The following EPB41L3 variants were observed in gnomAD, a reference collection of about 807,000 sequenced individuals.
EPB41L3 encodes band 4.1-like protein 3.
Under a neutral mutation model 127.1 loss-of-function variants are expected in EPB41L3, and 57 were observed. The observed-to-expected ratio is 0.45, with a 90% CI of 0.36 to 0.56. The LOEUF (loss-of-function observed/expected upper bound fraction) is 0.56. Ranked by LOEUF, EPB41L3 falls within the 20% of genes least tolerant of loss-of-function variation. The pLI, the probability that EPB41L3 is intolerant of heterozygous loss-of-function variation, is 0.00. For synonymous variants in EPB41L3, 572 were observed against 549.5 expected (o/e 1.04, Z -0.57); for missense variants, 1,273 against 1,372.2 (o/e 0.93, Z 1.14).
intron 22 of EPB41L3, chr18:5,394,192 T>C (rs4453598): frequency 0.056 from 8,557 of 153,226 alleles, 322 homozygotes; most frequent in African/African-American, 0.11. Context: ...CATAAACAGG[T>C]TACAATCAAA....
intron 1 of EPB41L3, among the ~76,000 whole-genome samples, chr18:5,513,278 T>A (rs1434684865): frequency 6.6e-6 from 1 of 152,200 alleles, no homozygotes; most frequent in Non-Finnish European, 1.5e-5. Flanking sequence ...TACAGCAGCG[T>A]AACCTAACCT....
At chr18:5,608,303 C>G (rs1304364740) in intron 3 of EPB41L3, among the ~76,000 whole-genome samples, 3 of 151,960 alleles carry the variant, frequency 2.0e-5, no homozygotes, top group Admixed American at 6.6e-5. Flanking sequence ...CCTTACTGAC[C>G]AAACCAGTAG....
At chr18:5,605,059 C>T (rs2058874879) in intron 3 of EPB41L3, among the ~76,000 whole-genome samples, 1 of 152,082 alleles carries the variant, frequency 6.6e-6, no homozygotes, top group Admixed American at 6.6e-5. Context: ...CTGGGGAGGG[C>T]CAACATCCAA....
chr18:5,577,279 A>ATT, intron 3 of EPB41L3: 2 of 432,468 alleles, frequency 4.6e-6, no homozygotes, highest in Non-Finnish European at 9.1e-6. Flanking sequence ...ATCACTAACA[A>ATT]TGGCCACTTC....
Position 5,399,069 on chromosome 18 carries a change from A to G in EPB41L3, c.2350-926T>C, listed in dbSNP as rs540332156. The G allele has an allele frequency of 1.0e-5, 4 of 399,072 alleles. No homozygotes were observed. In the Admixed American group the frequency reaches 1.8e-4, roughly 18 times the overall value. 24.7% of individuals were successfully genotyped at this position (399,072 alleles called of 1,614,324 possible). A position where few individuals can be genotyped will look rare whatever the true frequency, so the allele number is the denominator to read the frequency against. The stretch of plus-strand genomic sequence containing the variant: ...TGGTATTTCTTTCTCCATTTTCTGA[A>G]GTGCTTCTGTAGTGGAGGGCTGCTC... On this transcript the variant is annotated intron_variant, in intron 16 of 22. Transcript: ENST00000341928.
chr18:5,464,336 C>T (rs967696868), intron 3 of EPB41L3, among the ~76,000 whole-genome samples: 25 of 152,138 alleles, frequency 1.6e-4, no homozygotes, highest in Non-Finnish European at 4.4e-5. Context: ...ACAATCTGAA[C>T]CACCACTGAG....
intron 12 of EPB41L3, among the ~76,000 whole-genome samples, chr18:5,417,145 T>C (rs1460268818): frequency 1.3e-5 from 2 of 152,252 alleles, no homozygotes; most frequent in Non-Finnish European, 2.9e-5. Context: ...TGTAACATGC[T>C]TTGCCAGTAT....
intron 8 of EPB41L3, among the ~76,000 whole-genome samples, chr18:5,429,089 A>G (rs1598820296): frequency 6.6e-6 from 1 of 152,168 alleles, no homozygotes; most frequent in East Asian, 1.9e-4. Flanking sequence ...ATGAATGAAT[A>G]AAAAAATGTA....
At chr18:5,532,218 T>A (rs761191656) in intron 1 of EPB41L3, among the ~76,000 whole-genome samples, 5 of 152,222 alleles carry the variant, frequency 3.3e-5, no homozygotes, top group Non-Finnish European at 7.3e-5. Flanking sequence ...GGGCTCTGAT[T>A]ATGCTCAGTG....
intron 13 of EPB41L3, among the ~76,000 whole-genome samples, chr18:5,411,812 T>G (rs756606899): frequency 6.6e-6 from 1 of 152,154 alleles, no homozygotes; most frequent in African/African-American, 2.4e-5. Flanking sequence ...CTGGCTATGC[T>G]GATTTCTTGG....
At chr18:5,591,609 T>C (rs74912814) in intron 3 of EPB41L3, among the ~76,000 whole-genome samples, 4,634 of 152,300 alleles carry the variant, frequency 0.03, 99 homozygotes, top group Non-Finnish European at 0.045. Flanking sequence ...AGGGAAGATA[T>C]TTTCTTGGAG....
chr18:5,432,186 C>A (rs2079094762), intron 8 of EPB41L3, among the ~76,000 whole-genome samples: 1 of 152,222 alleles, frequency 6.6e-6, no homozygotes, highest in Non-Finnish European at 1.5e-5. Context: ...AACCAAAGTG[C>A]AGCCCAACTT....
At chr18:5,429,064 A>C (rs561892550) in intron 8 of EPB41L3, among the ~76,000 whole-genome samples, 1 of 152,180 alleles carries the variant, frequency 6.6e-6, no homozygotes, top group Non-Finnish European at 1.5e-5. Context: ...AATACGAAAT[A>C]GTTTTTTTAA....
At chr18:5,443,369 T>C (rs2081053926) in intron 5 of EPB41L3, among the ~76,000 whole-genome samples, 2 of 152,254 alleles carry the variant, frequency 1.3e-5, no homozygotes, top group Admixed American at 1.3e-4. Context: ...AATTTGTGAC[T>C]TGCTCATGCA....
chr18:5,559,763 A>G (rs868187857), intron 3 of EPB41L3, among the ~76,000 whole-genome samples: 3 of 152,326 alleles, frequency 2.0e-5, no homozygotes, highest in Middle Eastern at 3.4e-3. Flanking sequence ...TACGAAAGCT[A>G]AACAAAATTA....
At chr18:5,590,137 G>A (rs896504776) in intron 3 of EPB41L3, among the ~76,000 whole-genome samples, 6 of 152,060 alleles carry the variant, frequency 3.9e-5, no homozygotes, top group African/African-American at 1.2e-4. Context: ...CTTTTGAAGC[G>A]GCCTCTGATC....
chr18:5,428,531 GTATT>G, intron 8 of EPB41L3, 66 bp from the exon 9 acceptor site: 4 of 1,581,382 alleles, frequency 2.5e-6, no homozygotes, highest in Non-Finnish European at 2.6e-6. Flanking sequence ...GCTGGGTAAA[GTATT>G]TAAGCATCCA....
At chr18:5,625,410 G>A (rs767367425) in intron 1 of EPB41L3, among the ~76,000 whole-genome samples, 8 of 152,094 alleles carry the variant, frequency 5.3e-5, no homozygotes, top group African/African-American at 1.4e-4. Context: ...AGGGAGCAAC[G>A]TGAGAAGAGA....
chr18:5,584,785 G>A (rs974701686), intron 3 of EPB41L3, among the ~76,000 whole-genome samples: 1 of 152,184 alleles, frequency 6.6e-6, no homozygotes, highest in African/African-American at 2.4e-5. Context: ...ACCATCAATG[G>A]TGAGACATCC....
Sources: allele counts gnomAD v4.1 joint callset (sites outside exome capture counted in the v4.1 genomes callset), GRCh38; gene constraint gnomAD v4.1.1; transcripts MANE v1.5; gene names NCBI Gene and HGNC (gene_info 2026-07-23, HGNC 2026-07-21).